GATAD2A: variants seen among roughly 807,000 people sequenced by gnomAD.
The protein encoded by GATAD2A is GATA zinc finger domain containing 2A.
In GATAD2A, 12 loss-of-function variants were observed where a neutral mutation model predicts 68.5. That is an observed-to-expected ratio of 0.18 (90% CI 0.11 to 0.28). The LOEUF is 0.28. GATAD2A is among the 10% of genes least tolerant of loss of function. The pLI is 1.00. For missense variants in GATAD2A, 755 were observed against 868.5 expected (o/e 0.87, Z 1.64); for synonymous variants, 410 against 375.3 (o/e 1.09, Z -1.07).
intron 1 of GATAD2A, chr19:19,465,074 G>T (rs2057760705): frequency 7.3e-6 from 4 of 548,536 alleles, no homozygotes; most frequent in Admixed American, 6.2e-5. Flanking sequence ...GCTGCCTCTG[G>T]CCCCCAACAG....
rs542468019 is a variant in GATAD2A at position 19,444,091 on chromosome 19, T to C, written c.-6-21249T>C. Among the ~76,000 whole-genome samples the C allele has an allele frequency of 3.3e-5, 5 of 152,252 alleles. No individual in the cohort carries two copies. In the East Asian group the frequency reaches 9.7e-4, roughly 29 times the overall value. ...TTGTGGGTGAATCAGGCTTTCTGGCTTTGACTGGACAGCTAAGGGCATGAG... is the reference window on the plus strand; with the variant it reads ...TTGTGGGTGAATCAGGCTTTCTGGCCTTGACTGGACAGCTAAGGGCATGAG... On this transcript the variant is annotated intron_variant, in intron 1 of 11. Transcript: ENST00000683918.
intron 1 of GATAD2A, chr19:19,429,315 G>A: frequency 1.3e-6 from 1 of 774,760 alleles, no homozygotes. Context: ...GGAGCTAGGA[G>A]GGGCTCTCCT....
chr19:19,402,193 G>C (rs934235175), upstream of GATAD2A: 2 of 151,912 alleles, frequency 1.3e-5, no homozygotes, highest in Admixed American at 6.6e-5. Context: ...TGAGTAGCTG[G>C]GGCTACAGGC....
chr19:19,504,530 A>G (rs1019781069), intron 11 of GATAD2A, among the ~76,000 whole-genome samples: 4 of 151,724 alleles, frequency 2.6e-5, no homozygotes. Context: ...GCTCGTGCCT[A>G]TAATCCCAGT....
intron 1 of GATAD2A, among the ~76,000 whole-genome samples, chr19:19,451,423 A>G (rs1354399957): frequency 6.6e-6 from 1 of 152,188 alleles, no homozygotes; most frequent in Non-Finnish European, 1.5e-5. Context: ...CTCGTGCTGC[A>G]GAAGTTTCCT....
At position 19,501,149 on chromosome 19, in the gene GATAD2A, C is replaced by G. The variant is rs540115068; in HGVS notation, c.1236C>G (p.Ser412=). Residue 412 remains serine (S), a synonymous_variant, in exon 9 of 12, where the codon TCC becomes TCG. Transcript: ENST00000683918. ...AGRMSAATVL[S]REPYMCAQCK... The stretch of plus-strand genomic sequence containing the variant: ...GGATGTCGGCCGCCACTGTGCTGTC[C>G]CGGGAGCCCTACATGTGTGCACAGT... The G allele has an allele frequency of 3.7e-6, 6 of 1,613,022 alleles. No homozygotes were observed. In the African/African-American group the frequency reaches 8.0e-5, roughly 21 times the overall value.
intron 1 of GATAD2A, among the ~76,000 whole-genome samples, chr19:19,389,016 G>A (rs751105467): frequency 6.6e-6 from 1 of 152,104 alleles, no homozygotes; most frequent in Non-Finnish European, 1.5e-5. Context: ...AGTTTTAGGT[G>A]ACTTTGGCCT....
chr19:19,451,903 T>C (rs1267453612), intron 1 of GATAD2A, among the ~76,000 whole-genome samples: 1 of 152,208 alleles, frequency 6.6e-6, no homozygotes, highest in Non-Finnish European at 1.5e-5. Flanking sequence ...TGCAGTGCAG[T>C]GGTGCGATCA....
chr19:19,467,307 C>G (rs550042620), intron 2 of GATAD2A, among the ~76,000 whole-genome samples: 1 of 152,090 alleles, frequency 6.6e-6, no homozygotes, highest in Admixed American at 6.5e-5. Context: ...ACCTGGGAGG[C>G]GGAGCTTGCA....
At chr19:19,466,828 C>G (rs772942795) in intron 2 of GATAD2A, among the ~76,000 whole-genome samples, 2 of 152,194 alleles carry the variant, frequency 1.3e-5, no homozygotes, top group Non-Finnish European at 2.9e-5. Context: ...ACTATAGGTC[C>G]AAGTCTCCTT....
At chr19:19,440,974 T>TC (rs1323164379) in intron 1 of GATAD2A, among the ~76,000 whole-genome samples, 4 of 118,402 alleles carry the variant, frequency 3.4e-5, no homozygotes, top group African/African-American at 6.8e-5. Context: ...TCCCTTTCCT[T>TC]CCTTTCCTTC....
chr19:19,414,559 A>G (rs2051346087), intron 1 of GATAD2A, among the ~76,000 whole-genome samples: 1 of 129,524 alleles, frequency 7.7e-6, no homozygotes, highest in South Asian at 2.4e-4. Context: ...TTTTTTTGAA[A>G]CAGAGTCTTG....
intron 1 of GATAD2A, chr19:19,429,218 A>C (rs1423312754): frequency 2.0e-6 from 2 of 985,204 alleles, no homozygotes; most frequent in Non-Finnish European, 2.4e-6. Flanking sequence ...AAGTTTCAGC[A>C]AAAAGTTCCA....
intron 8 of GATAD2A, 42 bp from the exon 9 acceptor site, chr19:19,501,076 G>A (rs368750608): frequency 9.6e-6 from 15 of 1,569,356 alleles, no homozygotes; most frequent in African/African-American, 2.7e-5. Flanking sequence ...CCTGACTGTC[G>A]TCCTGGCCCT....
intron 2 of GATAD2A, among the ~76,000 whole-genome samples, chr19:19,466,324 C>T (rs1458780270): frequency 6.6e-6 from 1 of 152,248 alleles, no homozygotes. Flanking sequence ...TGCATCACCC[C>T]TCCCCTTGGA....
At position 19,498,574 on chromosome 19, in the gene GATAD2A, G is replaced by T. The variant is rs1450318395; in HGVS notation, c.1056G>T (p.Leu352=). Residue 352 remains leucine (L), a synonymous_variant, in exon 8 of 12, where the codon CTG becomes CTT. Coordinates refer to ENST00000683918, the MANE Select transcript of GATAD2A (RefSeq NM_001384528.1). ...GACAGGCGGCCGCCAAGCTGGCGCT[G>T]CGCAAACAGCTGGAGAAGACGCTAC... is the stretch of plus-strand genomic sequence containing the variant. ...ASRQAAAKLA[L]RKQLEKTLLE... is the part of the protein sequence containing the mutation. The T allele has an allele frequency of 6.2e-7, 1 of 1,613,936 alleles. No homozygotes were observed. The highest frequency in any genetic ancestry group is 1.7e-5 in the Admixed American group (1 of 60,030).
rs899290709 is a variant in GATAD2A, at chr19:19,502,488, G to A, written c.1736G>A (p.Ser579Asn). The change falls in exon 11 of 12, where the codon AGC (serine) becomes AAC (asparagine). Residue 579 changes from serine to asparagine, a missense_variant. Transcript: ENST00000683918. ...AGAACCGTGAGCGCCGGCAAGGGCA[G>A]CGCCACCTCCAACTGGAAGAAGACG... ...SERTVSAGKG[S>N]ATSNWKKTPL... 6.2e-7 allele frequency: 1 copy of A among 1,613,306 alleles called. No individual in the cohort carries two copies. Among genetic ancestry groups the A allele is most frequent in the East Asian group, 2.2e-5 (1 of 44,874 alleles).
chr19:19,505,267 A>T, intron 11 of GATAD2A, 77 bp from the exon 12 acceptor site: 1 of 1,428,362 alleles, frequency 7.0e-7, no homozygotes, highest in Non-Finnish European at 9.7e-7. Flanking sequence ...GCTGGGGTCT[A>T]GGCAGCTATG....
In GATAD2A at chr19:19,465,582, C is replaced by G. The variant is rs375502987; in HGVS notation, c.237C>G (p.Gly79=). 1 of 1,612,914 alleles carries G rather than the reference C, an allele frequency of 6.2e-7. No individual in the cohort carries two copies. Among genetic ancestry groups the G allele is most frequent in the Non-Finnish European group, 8.5e-7 (1 of 1,179,432 alleles). ...MAMGRGEGLV[G]DGPVDMRTSH... is the part of the protein sequence containing the mutation. ...TGGGCAGAGGCGAAGGGCTGGTGGGCGATGGGCCCGTGGACATGCGCACCT... is the reference window on the plus strand; with the variant it reads ...TGGGCAGAGGCGAAGGGCTGGTGGGGGATGGGCCCGTGGACATGCGCACCT... Residue 79 remains glycine (G), a synonymous_variant, in exon 2 of 12, where the codon GGC becomes GGG. Transcript: ENST00000683918.
Sources: gnomAD v4.1 joint callset for allele counts (sites outside exome capture counted in the v4.1 genomes callset) on GRCh38, gnomAD v4.1.1 for gene constraint, MANE v1.5 for transcripts, NCBI Gene and HGNC (gene_info 2026-07-23, HGNC 2026-07-21) for gene names.